Variants in COL4A2 observed in about 807,000 individuals in gnomAD.
COL4A2 encodes collagen type IV alpha 2 chain.
COL4A2 carries 99 observed loss-of-function variants against 200.2 expected under a neutral mutation model. That is an observed-to-expected ratio of 0.49 (90% CI 0.42 to 0.58). COL4A2 has a LOEUF of 0.58. Ranked by LOEUF, COL4A2 falls within the 20% of genes least tolerant of loss-of-function variation. The pLI is 0.00. For synonymous variants in COL4A2, 897 were observed against 900.6 expected, an observed-to-expected ratio of 1.00 and a Z score of 0.07; for missense variants, 1,950 against 2,314.1, an observed-to-expected ratio of 0.84 and a Z score of 3.23.
chr13:110,456,672 G>A (rs1881744501), intron 20 of COL4A2: 3 of 438,138 alleles, frequency 6.8e-6, no homozygotes, highest in East Asian at 7.1e-5. Context: ...ATTTGGGGAG[G>A]CTTGGCTGAA....
At chr13:110,448,793 A>G (rs1252961230) in intron 18 of COL4A2, among the ~76,000 whole-genome samples, 1 of 152,208 alleles carries the variant, frequency 6.6e-6, no homozygotes, top group African/African-American at 2.4e-5. Context: ...TGTACTTTTC[A>G]GTGTGTTTAC....
At position 110,310,356 on chromosome 13, in the gene COL4A2, C is replaced by T. The variant is rs368768967; in HGVS notation, c.99+2233C>T. On this transcript the variant is annotated intron_variant, in intron 3 of 47. Transcript: ENST00000360467. ...GGGTGGAGTCCGGGACTCCGCCTCC[C>T]CACATGATACCAGAATCTGGGAACC... 6.5e-4 allele frequency among the ~76,000 whole-genome samples: 99 copies of T among 152,328 alleles called. 2 individuals are homozygous for T. In the South Asian group the frequency reaches 6.8e-3, roughly 11 times the overall value.
chr13:110,311,989 C>T (rs2131936), intron 3 of COL4A2, among the ~76,000 whole-genome samples: 2 of 152,078 alleles, frequency 1.3e-5, no homozygotes, highest in African/African-American at 4.8e-5. Flanking sequence ...GTCCTTTCCG[C>T]AGGCTTTGGT....
intron 3 of COL4A2, among the ~76,000 whole-genome samples, chr13:110,317,672 A>G (rs992932779): frequency 6.6e-6 from 1 of 152,214 alleles, no homozygotes. Flanking sequence ...CTGCAGAACC[A>G]AGAGTCCTGC....
intron 27 of COL4A2, 132 bp downstream of exon 27, chr13:110,467,228 C>A: frequency 8.3e-7 from 1 of 1,201,910 alleles, no homozygotes; most frequent in Non-Finnish European, 1.1e-6. Flanking sequence ...AGCATCTCAG[C>A]ACAAACTGGT....
At chr13:110,494,422 A>G (rs1293078682) in intron 39 of COL4A2, among the ~76,000 whole-genome samples, 2 of 152,198 alleles carry the variant, frequency 1.3e-5, no homozygotes, top group Non-Finnish European at 2.9e-5. Context: ...TTTAATTTTG[A>G]AATCTATTAT....
At chr13:110,412,930 C>T (rs552332203) in intron 4 of COL4A2, among the ~76,000 whole-genome samples, 1 of 152,322 alleles carries the variant, frequency 6.6e-6, no homozygotes, top group Admixed American at 6.5e-5. Context: ...AACATTCTCC[C>T]TGATAATGCA....
At chr13:110,397,011 G>A (rs1489033678) in intron 4 of COL4A2, among the ~76,000 whole-genome samples, 5 of 152,166 alleles carry the variant, frequency 3.3e-5, no homozygotes, top group Non-Finnish European at 7.3e-5. Flanking sequence ...CAGGCTTCAC[G>A]GACATGACTA....
chr13:110,469,159 C>G (rs1882365484), intron 27 of COL4A2, 58 bp from the exon 28 acceptor site: 1 of 1,539,704 alleles, frequency 6.5e-7, no homozygotes, highest in Non-Finnish European at 8.8e-7. Context: ...CCAAGCATGA[C>G]CATGCCCATT....
chr13:110,485,043 T>C lies in COL4A2; in HGVS notation c.3025+16T>C. The C allele has an allele frequency of 1.3e-6, 2 of 1,568,376 alleles. No homozygotes were observed. Among genetic ancestry groups the C allele is most frequent in the Non-Finnish European group, 1.7e-6 (2 of 1,150,772 alleles). On this transcript the variant is annotated intron_variant, in intron 33 of 47. Coordinates refer to ENST00000360467, the MANE Select transcript of COL4A2 (RefSeq NM_001846.4). ...GGCGCAAAAGGTGAGGCTTCTGACC[T>C]GCAGCCAGGGGCCCCTAGTCCCTGC...
intron 40 of COL4A2, among the ~76,000 whole-genome samples, chr13:110,497,345 A>C (rs913252624): frequency 6.6e-6 from 1 of 151,490 alleles, no homozygotes; most frequent in African/African-American, 2.4e-5. Flanking sequence ...ACACCAGCAC[A>C]GCTTCAGCCA....
chr13:110,346,906 G>A (rs1321709326), intron 3 of COL4A2, among the ~76,000 whole-genome samples: 5 of 152,220 alleles, frequency 3.3e-5, no homozygotes, highest in Non-Finnish European at 5.9e-5. Flanking sequence ...ATGAAAGAAC[G>A]GGGAAGACTG....
At chr13:110,509,316 A>G (rs1263270303) in intron 47 of COL4A2, among the ~76,000 whole-genome samples, 2 of 148,268 alleles carry the variant, frequency 1.3e-5, no homozygotes, top group Non-Finnish European at 3.0e-5. Context: ...TATAAATTAC[A>G]TAGTGATTGC....
At chr13:110,467,638 C>T (rs1882297493) in intron 27 of COL4A2, among the ~76,000 whole-genome samples, 1 of 152,234 alleles carries the variant, frequency 6.6e-6, no homozygotes. Context: ...TGCCTAAGGC[C>T]GCCTGCGTGT....
intron 4 of COL4A2, among the ~76,000 whole-genome samples, chr13:110,421,396 G>A (rs1054159952): frequency 3.3e-5 from 5 of 152,170 alleles, no homozygotes; most frequent in African/African-American, 4.8e-5. Flanking sequence ...TGGTCTATCC[G>A]TACAGTGGAA....
chr13:110,390,422 C>A (rs972690246), intron 4 of COL4A2, among the ~76,000 whole-genome samples: 13 of 152,246 alleles, frequency 8.5e-5, no homozygotes, highest in African/African-American at 3.1e-4. Context: ...GCCAGAGGGA[C>A]TCCACACACC....
intron 3 of COL4A2, among the ~76,000 whole-genome samples, chr13:110,321,857 A>G (rs1324407686): frequency 6.6e-6 from 1 of 152,188 alleles, no homozygotes; most frequent in African/African-American, 2.4e-5. Context: ...AGAACTCACT[A>G]TCATGAGAAC....
chr13:110,432,960 G>A (rs777434716), intron 11 of COL4A2, among the ~76,000 whole-genome samples: 1 of 152,232 alleles, frequency 6.6e-6, no homozygotes, highest in Non-Finnish European at 1.5e-5. Flanking sequence ...GAGAAAGCTG[G>A]ATAAATGTCC....
intron 43 of COL4A2, 109 bp downstream of exon 43, chr13:110,503,590 T>C (rs1386972499): frequency 2.7e-6 from 2 of 743,790 alleles, no homozygotes; most frequent in African/African-American, 1.8e-5. Context: ...ATGGGTCACA[T>C]GTTGTAAAGA....
Sources: allele counts gnomAD v4.1 joint callset (sites outside exome capture counted in the v4.1 genomes callset), GRCh38; gene constraint gnomAD v4.1.1; transcripts MANE v1.5; gene names NCBI Gene and HGNC (gene_info 2026-07-23, HGNC 2026-07-21).